ENTREP3: variants seen among roughly 807,000 people sequenced by gnomAD.
The protein encoded by ENTREP3 is protein ENTREP3.
the ENTREP3 span, chr1:155,254,369 C>T: frequency 6.2e-7 from 1 of 1,611,194 alleles, no homozygotes; most frequent in Non-Finnish European, 8.5e-7. This position sits in a 1 kb window ranked among gnomAD's most constrained non-coding sequence, Gnocchi z 4.4. Context: ...GGGCACCTGC[C>T]TCCCAGTGGG....
the ENTREP3 span, chr1:155,255,075 G>A: frequency 3.3e-6 from 2 of 601,396 alleles, no homozygotes; most frequent in South Asian, 2.0e-5. This position sits in a 1 kb window ranked among gnomAD's most constrained non-coding sequence, Gnocchi z 5.6. Context: ...GAGGGACCGC[G>A]GAGTGCTCCC....
the ENTREP3 span, chr1:155,254,897 G>C: frequency 6.5e-7 from 1 of 1,541,010 alleles, no homozygotes. This position sits in a 1 kb window ranked among gnomAD's most constrained non-coding sequence, Gnocchi z 4.4. Flanking sequence ...CCGGTTGCCT[G>C]CGCCTCGCTC....
At chr1:155,252,455 T>C in the ENTREP3 span, among the ~76,000 whole-genome samples, 2 of 151,230 alleles carry the variant, frequency 1.3e-5, no homozygotes, top group African/African-American at 4.9e-5. Flanking sequence ...CTGCAACCTC[T>C]GCCTCCCAGG....
chr1:155,250,424 C>T, the ENTREP3 span: 3 of 468,924 alleles, frequency 6.4e-6, no homozygotes, highest in Non-Finnish European at 7.2e-6. This position sits in a 1 kb window ranked among gnomAD's most constrained non-coding sequence, Gnocchi z 5.4. Context: ...CTCGGGTGGG[C>T]GGGGCTGCGG....
chr1:155,250,016 C>T, the ENTREP3 span, among the ~76,000 whole-genome samples: 2 of 151,948 alleles, frequency 1.3e-5, no homozygotes, highest in African/African-American at 4.8e-5. This position sits in a 1 kb window ranked among gnomAD's most constrained non-coding sequence, Gnocchi z 5.4. Context: ...CAAGATCATG[C>T]CACTGCACTC....
chr1:155,253,983 G>C, the ENTREP3 span: 1 of 1,612,770 alleles, frequency 6.2e-7, no homozygotes, highest in Non-Finnish European at 8.5e-7. Context: ...TCCTTCCTGA[G>C]TGGAGCAGGG....
chr1:155,248,655 A>G, the ENTREP3 span, among the ~76,000 whole-genome samples: 55,060 of 147,610 alleles, frequency 0.37, 12,446 homozygotes, highest in East Asian at 0.71. Context: ...CACCACAACA[A>G]GGACTGCAGT....
the ENTREP3 span, chr1:155,254,627 A>C: frequency 6.2e-7 from 1 of 1,600,550 alleles, no homozygotes; most frequent in Non-Finnish European, 8.5e-7. The surrounding 1 kb of genome is among the most constrained non-coding windows in gnomAD (Gnocchi z 4.4). Flanking sequence ...AGCCTCCCCC[A>C]CCCAACAACT....
chr1:155,251,479 C>T, the ENTREP3 span: 4 of 1,587,682 alleles, frequency 2.5e-6, no homozygotes, highest in Non-Finnish European at 2.6e-6. Context: ...CCCAGCCCGC[C>T]CCAAGCCGTG....
chr1:155,255,080 G>T, the ENTREP3 span: 2 of 599,338 alleles, frequency 3.3e-6, no homozygotes, highest in East Asian at 5.5e-5. The surrounding 1 kb of genome is among the most constrained non-coding windows in gnomAD (Gnocchi z 5.6). Context: ...ACCGCGGAGT[G>T]CTCCCTCCCC....
chr1:155,249,154 C>G, the ENTREP3 span, among the ~76,000 whole-genome samples: 1 of 151,988 alleles, frequency 6.6e-6, no homozygotes, highest in Non-Finnish European at 1.5e-5. Context: ...GTGGCATGAT[C>G]TTGGCTCACG....
At chr1:155,250,958 A>G in the ENTREP3 span, 1 of 1,240,728 alleles carries the variant, frequency 8.1e-7, no homozygotes. The surrounding 1 kb of genome is among the most constrained non-coding windows in gnomAD (Gnocchi z 5.4). Flanking sequence ...AAATAAGTCC[A>G]GGGTTCCAAG....
chr1:155,250,567 G>T, the ENTREP3 span: 1 of 1,596,006 alleles, frequency 6.3e-7, no homozygotes, highest in Non-Finnish European at 8.5e-7. This position sits in a 1 kb window ranked among gnomAD's most constrained non-coding sequence, Gnocchi z 5.4. Context: ...GGAGCTTCAG[G>T]GGCAGAGCAG....
At chr1:155,250,630 A>G in the ENTREP3 span, 2 of 1,610,728 alleles carry the variant, frequency 1.2e-6, no homozygotes, top group East Asian at 2.2e-5. The surrounding 1 kb of genome is among the most constrained non-coding windows in gnomAD (Gnocchi z 5.4). Flanking sequence ...CTTTCCTCGA[A>G]GGGGCCCCGC....
At chr1:155,252,213 T>A in the ENTREP3 span, 1 of 314,906 alleles carries the variant, frequency 3.2e-6, no homozygotes, top group East Asian at 5.3e-5. Flanking sequence ...GGACCTTCTT[T>A]TTTTTTTTGA....
the ENTREP3 span, chr1:155,254,951 C>T: frequency 5.8e-6 from 7 of 1,208,194 alleles, no homozygotes; most frequent in Non-Finnish European, 8.2e-6. The surrounding 1 kb of genome is among the most constrained non-coding windows in gnomAD (Gnocchi z 4.4). Context: ...CGCCCAAGGC[C>T]CCGTCCTTTC....
chr1:155,253,769 G>A, the ENTREP3 span: 1 of 1,606,028 alleles, frequency 6.2e-7, no homozygotes, highest in South Asian at 1.1e-5. Context: ...TCAGGAGACG[G>A]CTAAGTTCCA....
At chr1:155,253,872 C>T in the ENTREP3 span, 13 of 1,612,872 alleles carry the variant, frequency 8.1e-6, no homozygotes, top group East Asian at 4.5e-5. Flanking sequence ...GAGGGCCCCT[C>T]GGGCTTCATC....
chr1:155,254,747 AG>A, the ENTREP3 span: 1 of 1,613,978 alleles, frequency 6.2e-7, no homozygotes, highest in Non-Finnish European at 8.5e-7. This position sits in a 1 kb window ranked among gnomAD's most constrained non-coding sequence, Gnocchi z 4.4. Flanking sequence ...CAGGATGCCC[AG>A]GAGCACTTGG....
Sources: allele counts gnomAD v4.1 joint callset (sites outside exome capture counted in the v4.1 genomes callset), GRCh38; gene constraint gnomAD v4.1.1; non-coding constraint Gnocchi (gnomAD v3.1); transcripts MANE v1.5; gene names NCBI Gene and HGNC (gene_info 2026-07-23, HGNC 2026-07-21).